Variants in CYB561 observed in about 807,000 individuals in gnomAD.
The protein encoded by CYB561 is cytochrome b561, also known as transmembrane ascorbate-dependent reductase CYB561.
Under a neutral mutation model 25.3 loss-of-function variants are expected in CYB561, and 11 were observed. The observed-to-expected ratio is 0.44, with a 90% CI of 0.27 to 0.72. The LOEUF is 0.72. Ranked by LOEUF, CYB561 falls within the 30% of genes least tolerant of loss-of-function variation. CYB561 has a pLI of 0.18. For missense variants in CYB561, 295 were observed against 334.9 expected (o/e 0.88, Z 0.93); for synonymous variants, 165 against 158.8 (o/e 1.04, Z -0.29).
Position 63,434,324 on chromosome 17 carries a change from G to C in CYB561, c.*78C>G. ...CGCCTGCTGCCAGAGCCACTCTCCG[G>C]AGCCTGCAGTCCTGAAGACGCCTCA... On this transcript the variant is annotated 3_prime_UTR_variant, in exon 6 of 6. Transcript: ENST00000360793. 7.5e-7 allele frequency: 1 copy of C among 1,327,288 alleles called. No individual in the cohort carries two copies. Among genetic ancestry groups the C allele is most frequent in the Non-Finnish European group, 1.0e-6 (1 of 988,464 alleles). The allele number at this position is 1,327,288 out of a possible 1,614,324, so 82.2% of individuals were successfully genotyped here. A position where few individuals can be genotyped will look rare whatever the true frequency, so the allele number is the denominator to read the frequency against.
intron 1 of CYB561, among the ~76,000 whole-genome samples, chr17:63,445,380 CT>C (rs558247824): frequency 0.017 from 2,205 of 128,458 alleles, 37 homozygotes; most frequent in East Asian, 0.1. Flanking sequence ...GGTGGCAAAG[CT>C]TTTTTTTTTT....
chr17:63,438,128 C>CACG, intron 1 of CYB561: 1 of 1,535,268 alleles, frequency 6.5e-7, no homozygotes, highest in Non-Finnish European at 8.7e-7. Context: ...TGACCTGGGA[C>CACG]ACGACGCCAG....
chr17:63,435,461 TG>T, intron 4 of CYB561: 1 of 683,362 alleles, frequency 1.5e-6, no homozygotes. Context: ...CTCAGAAAGC[TG>T]GGCTTGTGGC....
At chr17:63,438,106 C>G (rs1163865710) in intron 1 of CYB561, 7 of 1,534,514 alleles carry the variant, frequency 4.6e-6, no homozygotes, top group Non-Finnish European at 8.7e-7. Context: ...AGCCTCCCCA[C>G]GGGGACAGGC....
At position 63,436,929 on chromosome 17, in the gene CYB561, C is replaced by T. The variant is rs961543700; in HGVS notation, c.202+417G>A. Among the ~76,000 whole-genome samples the T allele has an allele frequency of 1.3e-5, 2 of 152,262 alleles. No individual in the cohort carries two copies. Among genetic ancestry groups the T allele is most frequent in the African/African-American group, 4.8e-5 (2 of 41,478 alleles). On this transcript the variant is annotated intron_variant, in intron 2 of 5. Coordinates refer to ENST00000360793, the MANE Select transcript of CYB561 (RefSeq NM_001915.4). This position sits in a 1 kb window ranked among gnomAD's most constrained non-coding sequence, Gnocchi z 4.8. ...GCCTTGCTCCTGCCCCAGGGGGAGGCGCTCTAGCTCTGCCAAGTCCAAGAC... is the reference window on the plus strand; with the variant it reads ...GCCTTGCTCCTGCCCCAGGGGGAGGTGCTCTAGCTCTGCCAAGTCCAAGAC...
chr17:63,437,472 T>C lies in CYB561; in HGVS notation c.76A>G (p.Thr26Ala), dbSNP rs1197909445. The C allele has an allele frequency of 6.2e-7, 1 of 1,613,638 alleles. No homozygotes were observed. The highest frequency in any genetic ancestry group is 1.1e-5 in the South Asian group (1 of 91,056). Residue 26 changes from threonine to alanine, a missense_variant, in exon 2 of 6, where the codon ACC (threonine) becomes GCC (alanine). Coordinates refer to ENST00000360793, the MANE Select transcript of CYB561 (RefSeq NM_001915.4). ...CACGCGCCGGTCATGGCCACCAAGG[T>C]CAGGCCCAGCAGCTGGGAGAAGGCC... is the stretch of plus-strand genomic sequence containing the variant. ...YVAFSQLLGL[T>A]LVAMTGAWLG...
chr17:63,435,314 C>T, intron 4 of CYB561, 71 bp from the exon 5 acceptor site: 2 of 1,534,806 alleles, frequency 1.3e-6, no homozygotes, highest in South Asian at 2.4e-5. Context: ...CGGCCAGGCC[C>T]ACACCCACGT....
chr17:63,446,359 G>C (rs2049424167), upstream of CYB561: 1 of 151,948 alleles, frequency 6.6e-6, no homozygotes, highest in Non-Finnish European at 1.5e-5. Flanking sequence ...GGGCTGGGCG[G>C]TGTCTCCGGG....
In CYB561 at chr17:63,436,277, T is replaced by A; in HGVS notation, c.203-125A>T. ...TGACGGCTTGTAACAGGAGCCTAGCTGCAGGAACCGGAGGAGAAAGCCAGG... is the reference window on the plus strand; with the variant it reads ...TGACGGCTTGTAACAGGAGCCTAGCAGCAGGAACCGGAGGAGAAAGCCAGG... On this transcript the variant is annotated intron_variant, in intron 2 of 5. Coordinates refer to ENST00000360793, the MANE Select transcript of CYB561 (RefSeq NM_001915.4). This position sits in a 1 kb window ranked among gnomAD's most constrained non-coding sequence, Gnocchi z 4.8. The A allele has an allele frequency of 8.1e-7, 1 of 1,234,910 alleles. No homozygotes were observed. Among genetic ancestry groups the A allele is most frequent in the Admixed American group, 2.5e-5 (1 of 40,692 alleles). 76.5% of individuals were successfully genotyped at this position (1,234,910 alleles called of 1,614,324 possible).
chr17:63,437,979 C>A, intron 1 of CYB561: 1 of 715,620 alleles, frequency 1.4e-6, no homozygotes, highest in South Asian at 1.8e-5. Context: ...GGCCCCGCCA[C>A]CCTCCCCCGA....
rs1348080066 is a variant in CYB561, at chr17:63,436,370, C to G, written c.203-218G>C. ...ACCTAGGGCTGTGTGCACCTTAACACCCCTCCCCCACCCTCCAACCTCCCC... is the reference window on the plus strand; with the variant it reads ...ACCTAGGGCTGTGTGCACCTTAACAGCCCTCCCCCACCCTCCAACCTCCCC... On this transcript the variant is annotated intron_variant, in intron 2 of 5. Transcript: ENST00000360793. This position sits in a 1 kb window ranked among gnomAD's most constrained non-coding sequence, Gnocchi z 4.8. 2.0e-5 allele frequency among the ~76,000 whole-genome samples: 3 copies of G among 152,012 alleles called. No individual in the cohort carries two copies. Among genetic ancestry groups the G allele is most frequent in the East Asian group, 1.9e-4 (1 of 5,174 alleles).
intron 1 of CYB561, among the ~76,000 whole-genome samples, chr17:63,443,267 T>C (rs1355124006): frequency 1.3e-5 from 2 of 152,174 alleles, no homozygotes; most frequent in African/African-American, 4.8e-5. Flanking sequence ...TGTACCAGCA[T>C]GGCACTAAGC....
chr17:63,433,224 G>A lies in CYB561; in HGVS notation c.*1178C>T, dbSNP rs989546323. Reference sequence around the variant, plus strand: ...ATTTTTTTGTATTTTTAGTAGAGACGGGGTTTCACTGTGTTTGTTAGTCAG... The same window carrying A: ...ATTTTTTTGTATTTTTAGTAGAGACAGGGTTTCACTGTGTTTGTTAGTCAG... On this transcript the variant is annotated 3_prime_UTR_variant, in exon 6 of 6. Coordinates refer to ENST00000360793, the MANE Select transcript of CYB561 (RefSeq NM_001915.4). The A allele has an allele frequency of 2.6e-5, 10 of 391,982 alleles. No homozygotes were observed. The highest frequency in any genetic ancestry group is 1.3e-4 in the Admixed American group (3 of 22,494). The allele number at this position is 391,982 out of a possible 1,614,324, so 24.3% of individuals were successfully genotyped here. A position where few individuals can be genotyped will look rare whatever the true frequency, so the allele number is the denominator to read the frequency against.
chr17:63,435,148 G>A lies in CYB561; in HGVS notation c.501C>T (p.Ile167=), dbSNP rs1232901380. The A allele has an allele frequency of 6.2e-7, 1 of 1,614,242 alleles. No individual in the cohort carries two copies. Among genetic ancestry groups the A allele is most frequent in the Non-Finnish European group, 8.5e-7 (1 of 1,180,050 alleles). The change falls in exon 5 of 6, where the codon ATC becomes ATT. Residue 167 remains isoleucine, a synonymous_variant. Transcript: ENST00000360793. Reference sequence around the variant, plus strand: ...GGGCGGTGCCCACGGAAAGGAGGAAGATGGTAGCACCAAAGAAGATGTGCT... The same window carrying A: ...GGGCGGTGCCCACGGAAAGGAGGAAAATGGTAGCACCAAAGAAGATGTGCT... ...RPQHIFFGAT[I]FLLSVGTALL...
rs2049280911 is a variant in CYB561 at position 63,435,161 on chromosome 17, A to G, written c.488T>C (p.Phe163Ser). ...RSRYRPQHIF[F>S]GATIFLLSVG... ...GGAAAGGAGGAAGATGGTAGCACCA[A>G]AGAAGATGTGCTGTGGGCGGTAGCG... The change falls in exon 5 of 6, where the codon TTT (phenylalanine) becomes TCT (serine). Residue 163 changes from phenylalanine to serine, a missense_variant. By Grantham distance (155) the Phe-to-Ser change is radical. Coordinates refer to ENST00000360793, the MANE Select transcript of CYB561 (RefSeq NM_001915.4). The G allele has an allele frequency of 6.2e-7, 1 of 1,614,048 alleles. No individual in the cohort carries two copies. Among genetic ancestry groups the G allele is most frequent in the Non-Finnish European group, 8.5e-7 (1 of 1,179,998 alleles).
chr17:63,443,324 A>G (rs1274326002), intron 1 of CYB561, among the ~76,000 whole-genome samples: 1 of 152,118 alleles, frequency 6.6e-6, no homozygotes, highest in Non-Finnish European at 1.5e-5. Flanking sequence ...GGTAAGAGAG[A>G]AGGCATTACA....
intron 1 of CYB561, among the ~76,000 whole-genome samples, chr17:63,441,863 C>T (rs991373701): frequency 6.6e-6 from 1 of 152,242 alleles, no homozygotes; most frequent in Non-Finnish European, 1.5e-5. Flanking sequence ...GCGTCCTCCC[C>T]GCCTCGGTTC....
rs547507715 is a variant in CYB561, at chr17:63,438,169, A to G, written c.-13-609T>C. The G allele has an allele frequency of 3.8e-4, 583 of 1,535,582 alleles. 2 individuals are homozygous for G. In the African/African-American group the frequency reaches 7.4e-3, roughly 19 times the overall value. ...CCATATGCGGTGAGGGTGCAAGGAAAGATACCCCAAATTCTAGTGAGCTCA... is the reference window on the plus strand; with the variant it reads ...CCATATGCGGTGAGGGTGCAAGGAAGGATACCCCAAATTCTAGTGAGCTCA... On this transcript the variant is annotated intron_variant, in intron 1 of 5. Coordinates refer to ENST00000360793, the MANE Select transcript of CYB561 (RefSeq NM_001915.4).
At chr17:63,438,835 G>A (rs2049345406) in intron 1 of CYB561, among the ~76,000 whole-genome samples, 1 of 152,230 alleles carries the variant, frequency 6.6e-6, no homozygotes, top group Non-Finnish European at 1.5e-5. Context: ...CCAGCAGCTG[G>A]GGATGGGAGG....
Sources: gnomAD v4.1 joint callset for allele counts (sites outside exome capture counted in the v4.1 genomes callset) on GRCh38, gnomAD v4.1.1 for gene constraint, Gnocchi (gnomAD v3.1) non-coding constraint, MANE v1.5 for transcripts, NCBI Gene and HGNC (gene_info 2026-07-23, HGNC 2026-07-21) for gene names.